The following LRFN4 variants were observed in gnomAD, a reference collection of about 807,000 sequenced individuals.
The protein encoded by LRFN4 is leucine rich repeat and fibronectin type III domain containing 4.
In LRFN4, 10 loss-of-function variants were observed where a neutral mutation model predicts 29.0. The observed-to-expected ratio is 0.35, with a 90% confidence interval of 0.21 to 0.59. LRFN4 has a LOEUF of 0.59. Ranked by LOEUF, LRFN4 falls within the 20% of genes least tolerant of loss-of-function variation. The pLI, the probability that LRFN4 is intolerant of heterozygous loss-of-function variation, is 0.82. For missense variants in LRFN4, 850 were observed against 907.9 expected (o/e 0.94, Z 0.82); for synonymous variants, 493 against 437.0 (o/e 1.13, Z -1.60).
At position 66,859,142 on chromosome 11, in the gene LRFN4, C is replaced by T. The variant is rs201055238; in HGVS notation, c.1349+49C>T. Reference sequence around the variant, plus strand: ...GGCTGCACTCCCGGCGCCCTTCCTCCGCCCTCTGCTCCCCACAAGGCTTTG... The same window carrying T: ...GGCTGCACTCCCGGCGCCCTTCCTCTGCCCTCTGCTCCCCACAAGGCTTTG... On this transcript the variant is annotated intron_variant, in intron 1 of 1. Transcript: ENST00000309602. The T allele has an allele frequency of 5.5e-5, 81 of 1,471,846 alleles. 2 individuals carry two copies. In the East Asian group the frequency reaches 6.2e-4, roughly 11 times the overall value. 91.2% of individuals were successfully genotyped at this position (1,471,846 alleles called of 1,614,324 possible). A position where few individuals can be genotyped will look rare whatever the true frequency, so the allele number is the denominator to read the frequency against.
intron 1 of LRFN4, 111 bp from the exon 2 acceptor site, chr11:66,859,526 C>T: frequency 1.9e-6 from 3 of 1,542,252 alleles, no homozygotes; most frequent in East Asian, 4.5e-5. Flanking sequence ...AACCCAAGAG[C>T]CCGAGTGGCC....
chr11:66,858,103 T>A lies in LRFN4; in HGVS notation c.359T>A (p.Val120Asp). 1.2e-6 allele frequency: 2 copies of A among 1,609,814 alleles called. No individual in the cohort carries two copies. Among genetic ancestry groups the A allele is most frequent in the Non-Finnish European group, 1.7e-6 (2 of 1,178,406 alleles). The change falls in exon 1 of 2, where the codon GTC becomes GAC. Residue 120 changes from valine (V) to aspartate (D), a missense_variant. Coordinates refer to ENST00000309602, the MANE Select transcript of LRFN4 (RefSeq NM_024036.5). The surrounding 1 kb of genome is among the most constrained non-coding windows in gnomAD (Gnocchi z 5.9). ...GGCACCGGGAGCCTCCGGGGCCCCGTCAATCTGCAGCACCTCATCCTCAGC... is the reference window on the plus strand; with the variant it reads ...GGCACCGGGAGCCTCCGGGGCCCCGACAATCTGCAGCACCTCATCCTCAGC... The part of the protein sequence containing the change: ...ELGTGSLRGP[V>D]NLQHLILSGN...
chr11:66,858,998 A>G lies in LRFN4; in HGVS notation c.1254A>G (p.Ser418=). The part of the protein sequence containing the change: ...AVQVTEVTAT[S]GLVSWGPGRP... ...AGGTGACGGAGGTGACCGCCACCTC[A>G]GGGCTGGTGAGCTGGGGTCCCGGGC... Residue 418 remains serine, a synonymous_variant, in exon 1 of 2, where the codon TCA becomes TCG. Transcript: ENST00000309602. The surrounding 1 kb of genome is among the most constrained non-coding windows in gnomAD (Gnocchi z 5.9). 1 of 1,537,356 alleles carries G rather than the reference A, an allele frequency of 6.5e-7. No homozygotes were observed. Among genetic ancestry groups the G allele is most frequent in the Non-Finnish European group, 8.8e-7 (1 of 1,140,630 alleles).
In LRFN4 at chr11:66,858,373, C is replaced by T. The variant is rs537084771; in HGVS notation, c.629C>T (p.Pro210Leu). 59 of 1,583,398 alleles carry T rather than the reference C, an allele frequency of 3.7e-5. No homozygotes were observed. Among genetic ancestry groups the T allele is most frequent in the African/African-American group, 1.1e-4 (8 of 74,434 alleles). Residue 210 changes from proline (P) to leucine (L), a missense_variant, in exon 1 of 2, where the codon CCG (proline) becomes CTG (leucine). Around this residue, in one of 2 missense-constraint regions of LRFN4, gnomAD observed 744 missense variants for 753.8 expected, o/e 0.99. Coordinates refer to ENST00000309602, the MANE Select transcript of LRFN4 (RefSeq NM_024036.5). The surrounding 1 kb of genome is among the most constrained non-coding windows in gnomAD (Gnocchi z 5.9). ...LTSNRLATLA[P>L]DPLFSRGRDA... ...TCCAACCGCCTGGCCACGCTGGCTC[C>T]GGACCCGCTTTTCTCTCGTGGGCGT...
rs1367090349 is a variant in LRFN4 at position 66,860,202 on chromosome 11, G to A, written c.*7G>A. ...GGAAGAGAGTGTGGTGTGATGGACG[G>A]GCAGCTTCCTGTGTGCTCCAAGGGA... On this transcript the variant is annotated 3_prime_UTR_variant, in exon 2 of 2. Transcript: ENST00000309602. 2 of 1,543,002 alleles carry A rather than the reference G, an allele frequency of 1.3e-6. No individual in the cohort carries two copies. Among genetic ancestry groups the A allele is most frequent in the Non-Finnish European group, 1.7e-6 (2 of 1,147,422 alleles).
At position 66,858,782 on chromosome 11, in the gene LRFN4, T is replaced by C. The variant is rs1164388379; in HGVS notation, c.1038T>C (p.Ala346=). ...LEIGVTGAGD[A]GGYTCIATNP... is the part of the protein sequence containing the mutation. ...TTGGGGTGACCGGCGCTGGGGACGC[T>C]GGGGGCTACACCTGCATCGCCACCA... Residue 346 remains alanine, a synonymous_variant, in exon 1 of 2, where the codon GCT becomes GCC. Transcript: ENST00000309602. This position sits in a 1 kb window ranked among gnomAD's most constrained non-coding sequence, Gnocchi z 5.9. 9.0e-6 allele frequency: 14 copies of C among 1,550,108 alleles called. No individual in the cohort carries two copies. Among genetic ancestry groups the C allele is most frequent in the Non-Finnish European group, 1.1e-5 (13 of 1,147,520 alleles).
Position 66,858,560 on chromosome 11 carries a change from C to T in LRFN4, c.816C>T (p.Pro272=), listed in dbSNP as rs770206065. The change falls in exon 1 of 2, where the codon CCC becomes CCT. Residue 272 remains proline (P), a synonymous_variant. Coordinates refer to ENST00000309602, the MANE Select transcript of LRFN4 (RefSeq NM_024036.5). The surrounding 1 kb of genome is among the most constrained non-coding windows in gnomAD (Gnocchi z 5.9). ...CCGGCCGCTACTTCTGGGCAGTGCC[C>T]GAGGGCGAGTTCTCCTGTGAGCCGC... ...GLAGRYFWAV[P]EGEFSCEPPL... is the part of the protein sequence containing the mutation. The T allele has an allele frequency of 5.3e-5, 82 of 1,532,994 alleles. 1 individual carries two copies. In the South Asian group the frequency reaches 6.9e-4, roughly 13 times the overall value. 95.0% of individuals were successfully genotyped at this position (1,532,994 alleles called of 1,614,324 possible).
Position 66,859,955 on chromosome 11 carries a change from C to A in LRFN4, c.1668C>A (p.Val556=). 6.2e-7 allele frequency: 1 copy of A among 1,600,648 alleles called. No homozygotes were observed. The highest frequency in any genetic ancestry group is 8.5e-7 in the Non-Finnish European group (1 of 1,173,960). The stretch of plus-strand genomic sequence containing the variant: ...GCCTCCCCCTCAAGCTCAGCCACGT[C>A]CAGTCCCAGACCAATGGAGGCCCCA... ...NGRLPLKLSH[V]QSQTNGGPSP... Residue 556 remains valine (V), a synonymous_variant, in exon 2 of 2, where the codon GTC becomes GTA. Coordinates refer to ENST00000309602, the MANE Select transcript of LRFN4 (RefSeq NM_024036.5).
Position 66,859,796 on chromosome 11 carries a change from G to C in LRFN4, c.1509G>C (p.Ser503=). The C allele has an allele frequency of 6.3e-7, 1 of 1,594,682 alleles. No individual in the cohort carries two copies. Residue 503 remains serine, a synonymous_variant, in exon 2 of 2, where the codon TCG becomes TCC. Transcript: ENST00000309602. The part of the protein sequence containing the change: ...GCAHFSTLPA[S]PLCHALQAHV... The stretch of plus-strand genomic sequence containing the variant: ...CCCATTTCTCCACGCTGCCGGCCTC[G>C]CCCCTGTGCCACGCCCTGCAGGCCC...
In LRFN4 at chr11:66,858,255, C is replaced by A. The variant is rs149249022; in HGVS notation, c.511C>A (p.Leu171Met). The A allele has an allele frequency of 1.2e-6, 2 of 1,612,494 alleles. No individual in the cohort carries two copies. The highest frequency in any genetic ancestry group is 4.5e-5 in the East Asian group (2 of 44,860). ...GGCCGGCATCGGCGCCATGCCTGCCCTGCACACCCTCAACCTGGACCATAA... is the reference window on the plus strand; with the variant it reads ...GGCCGGCATCGGCGCCATGCCTGCCATGCACACCCTCAACCTGGACCATAA... Reference protein sequence around the residue: ...PWAGIGAMPALHTLNLDHNLI... With the variant: ...PWAGIGAMPAMHTLNLDHNLI... The change falls in exon 1 of 2, where the codon CTG (leucine) becomes ATG (methionine). Residue 171 changes from leucine (L) to methionine (M), a missense_variant. Transcript: ENST00000309602. The surrounding 1 kb of genome is among the most constrained non-coding windows in gnomAD (Gnocchi z 5.9).
rs747806908 is a variant in LRFN4, at chr11:66,860,149, G to C, written c.1862G>C (p.Arg621Pro). 85 of 1,548,406 alleles carry C rather than the reference G, an allele frequency of 5.5e-5. No individual in the cohort carries two copies. The highest frequency in any genetic ancestry group is 7.0e-5 in the Non-Finnish European group (80 of 1,147,386). ...GGGGGGCTGCTCGGGGCAGGGTGCC[G>C]GGGGGTAGGAGGCAGCGCCGAGCGG... is the stretch of plus-strand genomic sequence containing the variant. ...VHGGLLGAGCRGVGGSAERLE... is the reference protein window; with the variant it reads ...VHGGLLGAGCPGVGGSAERLE... Residue 621 changes from arginine to proline, a missense_variant, in exon 2 of 2, where the codon CGG becomes CCG. Transcript: ENST00000309602.
Position 66,859,769 on chromosome 11 carries a change from T to C in LRFN4, c.1482T>C (p.Cys494=). 1.2e-6 allele frequency: 2 copies of C among 1,606,516 alleles called. No homozygotes were observed. Among genetic ancestry groups the C allele is most frequent in the Non-Finnish European group, 8.5e-7 (1 of 1,176,862 alleles). The change falls in exon 2 of 2, where the codon TGT becomes TGC. Residue 494 remains cysteine, a synonymous_variant. Transcript: ENST00000309602. ...TCACGGCCACCAGGCTGCTGGGCTG[T>C]GCCCATTTCTCCACGCTGCCGGCCT... The part of the protein sequence containing the change: ...SDLTATRLLG[C]AHFSTLPASP...
In LRFN4 at chr11:66,858,469, T is replaced by C; in HGVS notation, c.725T>C (p.Leu242Pro). 2 of 1,547,692 alleles carry C rather than the reference T, an allele frequency of 1.3e-6. No homozygotes were observed. Among genetic ancestry groups the C allele is most frequent in the Non-Finnish European group, 1.7e-6 (2 of 1,153,014 alleles). ...AACCCCCTGCACTGCAACTGTGAGC[T>C]GCTGTGGCTGCGGCGGCTGGCGCGG... ...SGNPLHCNCE[L>P]LWLRRLARPD... Residue 242 changes from leucine to proline, a missense_variant, in exon 1 of 2, where the codon CTG (leucine) becomes CCG (proline). By Grantham distance (98) the Leu-to-Pro change is moderately conservative (BLOSUM62 -3). Coordinates refer to ENST00000309602, the MANE Select transcript of LRFN4 (RefSeq NM_024036.5). This position sits in a 1 kb window ranked among gnomAD's most constrained non-coding sequence, Gnocchi z 5.9.
Position 66,858,396 on chromosome 11 carries a change from C to A in LRFN4, c.652C>A (p.Arg218Ser). Residue 218 changes from arginine (R) to serine (S), a missense_variant, in exon 1 of 2, where the codon CGT (arginine) becomes AGT (serine). Transcript: ENST00000309602. The surrounding 1 kb of genome is among the most constrained non-coding windows in gnomAD (Gnocchi z 5.9). ...LAPDPLFSRG[R>S]DAEASPAPLV... ...TCCGGACCCGCTTTTCTCTCGTGGG[C>A]GTGATGCAGAGGCCTCTCCCGCCCC... 6.4e-7 allele frequency: 1 copy of A among 1,563,334 alleles called. No individual in the cohort carries two copies.
At position 66,858,155 on chromosome 11, in the gene LRFN4, G is replaced by C. The variant is rs138102608; in HGVS notation, c.411G>C (p.Pro137=). 94 of 1,610,614 alleles carry C rather than the reference G, an allele frequency of 5.8e-5. 4 individuals carry two copies. The Admixed American group carries it at 1.4e-3, about 24-fold the overall frequency. Residue 137 remains proline, a synonymous_variant, in exon 1 of 2, where the codon CCG becomes CCC. Transcript: ENST00000309602. The surrounding 1 kb of genome is among the most constrained non-coding windows in gnomAD (Gnocchi z 5.9). ...LSGNQLGRIA[P]GAFDDFLESL... is the part of the protein sequence containing the mutation. ...GCAACCAGCTGGGCCGCATCGCGCC[G>C]GGAGCCTTCGACGACTTCCTAGAGA...
Position 66,858,011 on chromosome 11 carries a change from C to A in LRFN4, c.267C>A (p.Ala89=). Residue 89 remains alanine (A), a synonymous_variant, in exon 1 of 2, where the codon GCC becomes GCA. Transcript: ENST00000309602. This position sits in a 1 kb window ranked among gnomAD's most constrained non-coding sequence, Gnocchi z 5.9. ...GCAATGCCATCACCCGCATTGGGGC[C>A]CGCGCCTTTGGGGACCTCGAGAGCC... is the stretch of plus-strand genomic sequence containing the variant. The part of the protein sequence containing the change: ...LSRNAITRIG[A]RAFGDLESLR... 3.1e-6 allele frequency: 5 copies of A among 1,612,366 alleles called. No individual in the cohort carries two copies. Among genetic ancestry groups the A allele is most frequent in the Non-Finnish European group, 4.2e-6 (5 of 1,179,956 alleles).
chr11:66,860,452 A>T lies in LRFN4; in HGVS notation c.*257A>T, dbSNP rs1202657137. On this transcript the variant is annotated 3_prime_UTR_variant, in exon 2 of 2. Coordinates refer to ENST00000309602, the MANE Select transcript of LRFN4 (RefSeq NM_024036.5). ...CACTGGGAGTCTTGTTTTTATTTATAATAAAATTGTTGGGGACACCTCAGT... is the reference window on the plus strand; with the variant it reads ...CACTGGGAGTCTTGTTTTTATTTATTATAAAATTGTTGGGGACACCTCAGT... 1 of 704,728 alleles carries T rather than the reference A, an allele frequency of 1.4e-6. No individual in the cohort carries two copies. Among genetic ancestry groups the T allele is most frequent in the Non-Finnish European group, 2.6e-6 (1 of 387,150 alleles). 43.7% of individuals were successfully genotyped at this position (704,728 alleles called of 1,614,324 possible).
intron 1 of LRFN4, 33 bp downstream of exon 1, chr11:66,859,126 C>T (rs371781146): frequency 6.8e-7 from 1 of 1,476,678 alleles, no homozygotes; most frequent in Non-Finnish European, 9.0e-7. Context: ...CGGCTGCACT[C>T]CCGGCGCCCT....
At position 66,857,677 on chromosome 11, in the gene LRFN4, C is replaced by T. The variant is rs899827676; in HGVS notation, c.-68C>T. On this transcript the variant is annotated 5_prime_UTR_variant, in exon 1 of 2. Transcript: ENST00000309602. The surrounding 1 kb of genome is among the most constrained non-coding windows in gnomAD (Gnocchi z 7.1). ...AGCTGGCTTCTGGGACTGTCCTGGG[C>T]CCAAGTGGGCACCTGCGCCAGCCCC... The T allele has an allele frequency of 2.5e-5, 37 of 1,502,210 alleles. No individual in the cohort carries two copies. The highest frequency in any genetic ancestry group is 5.5e-5 in the African/African-American group (4 of 72,640). 93.1% of individuals were successfully genotyped at this position (1,502,210 alleles called of 1,614,324 possible).
Sources: gnomAD v4.1 joint callset for allele counts on GRCh38, gnomAD v4.1.1 for gene constraint, gnomAD v4.1.1 regional missense constraint, Gnocchi (gnomAD v3.1) non-coding constraint, MANE v1.5 for transcripts, NCBI Gene and HGNC (gene_info 2026-07-23, HGNC 2026-07-21) for gene names.